The following BOD1L1 variants were observed in gnomAD, a reference collection of about 807,000 sequenced individuals.
The protein encoded by BOD1L1 is biorientation of chromosomes in cell division protein 1-like 1.
In BOD1L1, 86 loss-of-function variants were observed where a neutral mutation model predicts 240.7. The observed-to-expected ratio is 0.36, with a 90% CI of 0.30 to 0.43. The LOEUF (loss-of-function observed/expected upper bound fraction) is 0.43, where lower values mean the gene tolerates loss of function less well. Ranked by LOEUF, BOD1L1 falls within the 20% of genes least tolerant of loss-of-function variation. BOD1L1 has a pLI of 1.00. For missense variants in BOD1L1, 3,554 were observed against 3,643.5 expected (o/e 0.98, Z 0.63); for synonymous variants, 1,268 against 1,272.3 (o/e 1.00, Z 0.07).
Position 13,570,006 on chromosome 4 carries a change from CA to C in BOD1L1, c.*4del. On this transcript the variant is annotated 3_prime_UTR_variant, in exon 26 of 26. Coordinates refer to ENST00000040738, the MANE Select transcript of BOD1L1 (RefSeq NM_148894.3). ...TCCATAAGCCTAGGGCAGCAGTGGT[CA>C]GGATTATCGCTTCGCTTTTTTCACA... 2 of 1,587,778 alleles carry C rather than the reference CA, an allele frequency of 1.3e-6. No homozygotes were observed. The highest frequency in any genetic ancestry group is 1.7e-6 in the Non-Finnish European group (2 of 1,168,700).
chr4:13,602,525 G>A lies in BOD1L1; in HGVS notation c.4375C>T (p.His1459Tyr), dbSNP rs760007676. ...EKYAETVKLK[H>Y]KRSPGKVKDI... ...TTTACTTTACCTGGGCTTCTTTTAT[G>A]CTTAAGTTTGACAGTTTCAGCATAT... The change falls in exon 10 of 26, where the codon CAT becomes TAT. Residue 1459 changes from histidine (H) to tyrosine (Y), a missense_variant. His to Tyr is a moderately conservative substitution (Grantham distance 83). This residue lies in a region of BOD1L1 where 3,393 missense variants were observed against 3,427.1 expected (regional missense o/e 0.99). Coordinates refer to ENST00000040738, the MANE Select transcript of BOD1L1 (RefSeq NM_148894.3). 6.2e-7 allele frequency: 1 copy of A among 1,613,906 alleles called. No homozygotes were observed. Among genetic ancestry groups the A allele is most frequent in the Non-Finnish European group, 8.5e-7 (1 of 1,179,870 alleles).
intron 10 of BOD1L1, 54 bp from the exon 11 acceptor site, chr4:13,597,222 T>A: frequency 7.2e-7 from 1 of 1,381,088 alleles, no homozygotes; most frequent in Non-Finnish European, 1.0e-6. Context: ...GCAAAATACA[T>A]CTGGGGTCAA....
intron 22 of BOD1L1, among the ~76,000 whole-genome samples, chr4:13,579,716 G>A (rs971094101): frequency 6.6e-6 from 1 of 152,154 alleles, no homozygotes; most frequent in African/African-American, 2.4e-5. Flanking sequence ...CTTGGAATGA[G>A]GAGAAAAATA....
At position 13,590,375 on chromosome 4, in the gene BOD1L1, C is replaced by A; in HGVS notation, c.8209+11G>T. The A allele has an allele frequency of 1.4e-6, 2 of 1,426,838 alleles. No individual in the cohort carries two copies. Among genetic ancestry groups the A allele is most frequent in the South Asian group, 2.6e-5 (2 of 78,094 alleles). The allele number at this position is 1,426,838 out of a possible 1,614,324, so 88.4% of individuals were successfully genotyped here. ...ATATTAAAACTATAACTATGAAATT[C>A]ATTAACTTACCTCCTTTGTTATAAG... On this transcript the variant is annotated intron_variant, in intron 14 of 25. Transcript: ENST00000040738.
Position 13,614,905 on chromosome 4 carries a change from G to A in BOD1L1, c.560-95C>T, listed in dbSNP as rs1269959053. 35 of 1,280,244 alleles carry A rather than the reference G, an allele frequency of 2.7e-5. No individual in the cohort carries two copies. In the Admixed American group the frequency reaches 9.0e-4, roughly 33 times the overall value. 79.3% of individuals were successfully genotyped at this position (1,280,244 alleles called of 1,614,324 possible). ...CATGCCATTGTCATCTTTATATGAT[G>A]CATATGCTGTGCAGACCATCTGTAT... On this transcript the variant is annotated intron_variant, in intron 3 of 25. Coordinates refer to ENST00000040738, the MANE Select transcript of BOD1L1 (RefSeq NM_148894.3).
At chr4:13,626,471 C>T (rs1717403287) in intron 1 of BOD1L1, among the ~76,000 whole-genome samples, 1 of 152,122 alleles carries the variant, frequency 6.6e-6, no homozygotes, top group Non-Finnish European at 1.5e-5. Flanking sequence ...CTAGACTGTA[C>T]TGTGGTTTTC....
At chr4:13,576,107 G>A (rs1389843923) in intron 25 of BOD1L1, among the ~76,000 whole-genome samples, 1 of 151,732 alleles carries the variant, frequency 6.6e-6, no homozygotes, top group Non-Finnish European at 1.5e-5. Flanking sequence ...TCACCATGTT[G>A]ACCAGGATGG....
chr4:13,594,678 C>T (rs147227213), intron 12 of BOD1L1, among the ~76,000 whole-genome samples: 47 of 152,220 alleles, frequency 3.1e-4, no homozygotes, highest in African/African-American at 8.9e-4. Context: ...GGGCGGATCA[C>T]GAGGTCAGGA....
chr4:13,604,793 G>A lies in BOD1L1; in HGVS notation c.2107C>T (p.Leu703=), dbSNP rs766624236. The part of the protein sequence containing the change: ...QKSTLKNEKH[L]KKDDSETPHL... ...GGTGTTTCAGAATCATCTTTCTTTA[G>A]ATGCTTTTCGTTTTTAAGTGTGCTT... The change falls in exon 10 of 26, where the codon CTA becomes TTA. Residue 703 remains leucine, a synonymous_variant. Coordinates refer to ENST00000040738, the MANE Select transcript of BOD1L1 (RefSeq NM_148894.3). The A allele has an allele frequency of 1.4e-5, 23 of 1,613,226 alleles. No homozygotes were observed. In the East Asian group the frequency reaches 2.9e-4, roughly 20 times the overall value.
intron 10 of BOD1L1, 35 bp downstream of exon 10, chr4:13,598,911 A>C (rs760880165): frequency 1.3e-6 from 2 of 1,551,984 alleles, no homozygotes; most frequent in Non-Finnish European, 1.7e-6. Flanking sequence ...CATCCTTGTA[A>C]ATATTAAAAT....
rs1715776165 is a variant in BOD1L1, at chr4:13,607,169, T to C, written c.1763A>G (p.Lys588Arg). ...KDSRNVEENS[K>R]KKQQYEEDSK... ...ATCTTCTTCATATTGCTGTTTCTTT[T>C]TGGAGTTCTCTTCAACATTCCTAAG... The change falls in exon 9 of 26, where the codon AAA (lysine) becomes AGA (arginine). Residue 588 changes from lysine (K) to arginine (R), a missense_variant. Lys to Arg is a conservative substitution (Grantham distance 26). Coordinates refer to ENST00000040738, the MANE Select transcript of BOD1L1 (RefSeq NM_148894.3). The C allele has an allele frequency of 1.3e-6, 2 of 1,575,240 alleles. No homozygotes were observed. Among genetic ancestry groups the C allele is most frequent in the Non-Finnish European group, 8.6e-7 (1 of 1,160,844 alleles).
Position 13,600,001 on chromosome 4 carries a change from C to G in BOD1L1, c.6899G>C (p.Gly2300Ala), listed in dbSNP as rs1028577838. 33 of 1,610,194 alleles carry G rather than the reference C, an allele frequency of 2.0e-5. No individual in the cohort carries two copies. Among genetic ancestry groups the G allele is most frequent in the Non-Finnish European group, 2.7e-5 (32 of 1,178,198 alleles). ...AGCACCAATCATGACTGCTTCACAC[C>G]CTTCAGAGGTGCTTGTGGAAATCAT... ...TAMISTSTSE[G>A]CEAVMIGAVL... is the part of the protein sequence containing the mutation. Residue 2300 changes from glycine (G) to alanine (A), a missense_variant, in exon 10 of 26, where the codon GGG becomes GCG. Around this residue, in one of 2 missense-constraint regions of BOD1L1, gnomAD observed 3,393 missense variants for 3,427.1 expected, o/e 0.99. Transcript: ENST00000040738.
At chr4:13,570,560 C>T (rs1001477625) in intron 25 of BOD1L1, among the ~76,000 whole-genome samples, 1 of 152,204 alleles carries the variant, frequency 6.6e-6, no homozygotes, top group Non-Finnish European at 1.5e-5. Context: ...AATCATGTTT[C>T]GTAGCACAGT....
intron 25 of BOD1L1, among the ~76,000 whole-genome samples, chr4:13,573,442 G>GTCTGTCTGTCTATCTA (rs1384944208): frequency 1.7e-5 from 2 of 120,752 alleles, no homozygotes; most frequent in Admixed American, 9.1e-5. Context: ...CTGTCTGTCT[G>GTCTGTCTGTCTATCTA]TCTATCTATC....
rs1465229291 is a variant in BOD1L1 at position 13,599,240 on chromosome 4, C to G, written c.7660G>C (p.Ala2554Pro). ...TTGTCTTCAGACCCCTGCTGCTCAG[C>G]AGGAAGAAAGGAATGCTCAGCCACG... is the stretch of plus-strand genomic sequence containing the variant. ...GTVAEHSFLP[A>P]EQQGSEDNLK... Residue 2554 changes from alanine to proline, a missense_variant, in exon 10 of 26, where the codon GCT becomes CCT. Ala to Pro is a conservative substitution (Grantham distance 27). Around this residue, in one of 2 missense-constraint regions of BOD1L1, gnomAD observed 3,393 missense variants for 3,427.1 expected, o/e 0.99. Transcript: ENST00000040738. The G allele has an allele frequency of 6.2e-7, 1 of 1,613,726 alleles. No individual in the cohort carries two copies. Among genetic ancestry groups the G allele is most frequent in the Admixed American group, 1.7e-5 (1 of 59,982 alleles).
chr4:13,575,655 A>G (rs1712652761), intron 25 of BOD1L1, among the ~76,000 whole-genome samples: 1 of 152,162 alleles, frequency 6.6e-6, no homozygotes. Context: ...AAGTGTTGGG[A>G]TTACAAGCAT....
chr4:13,611,006 T>G lies in BOD1L1; in HGVS notation c.1419A>C (p.Lys473Asn), dbSNP rs757565850. Residue 473 changes from lysine to asparagine, a missense_variant, in exon 6 of 26, where the codon AAA (lysine) becomes AAC (asparagine). This residue lies in a region of BOD1L1 where 3,393 missense variants were observed against 3,427.1 expected (regional missense o/e 0.99). Transcript: ENST00000040738. ...TKSVRHAYVH[K>N]PYLYSKYYSD... is the part of the protein sequence containing the mutation. Reference sequence around the variant, plus strand: ...TATAGTATTTTGAGTAAAGATATGGTTTGTGGACATACGCATGCCGTACAC... The same window carrying G: ...TATAGTATTTTGAGTAAAGATATGGGTTGTGGACATACGCATGCCGTACAC... The G allele has an allele frequency of 9.9e-6, 16 of 1,612,562 alleles. No homozygotes were observed.
Position 13,590,375 on chromosome 4 carries a change from C to T in BOD1L1, c.8209+11G>A. ...ATATTAAAACTATAACTATGAAATT[C>T]ATTAACTTACCTCCTTTGTTATAAG... On this transcript the variant is annotated intron_variant, in intron 14 of 25. Transcript: ENST00000040738. The T allele has an allele frequency of 7.0e-7, 1 of 1,426,836 alleles. No individual in the cohort carries two copies. The allele number at this position is 1,426,836 out of a possible 1,614,324, so 88.4% of individuals were successfully genotyped here.
rs1713328521 is a variant in BOD1L1, at chr4:13,582,652, C to T, written c.8518G>A (p.Asp2840Asn). The change falls in exon 18 of 26, where the codon GAT becomes AAT. Residue 2840 changes from aspartate (D) to asparagine (N), a missense_variant and splice_region_variant. Around this residue, in one of 2 missense-constraint regions of BOD1L1, gnomAD observed 3,393 missense variants for 3,427.1 expected, o/e 0.99. Coordinates refer to ENST00000040738, the MANE Select transcript of BOD1L1 (RefSeq NM_148894.3). ...STTSRVMEEK[D>N]EYSSSETTGE... ...TTACCCAAGCAGATATTTTACTCAC[C>T]TTTTTCTTCCATGACCCTTGAGGTA... The T allele has an allele frequency of 1.4e-5, 22 of 1,607,686 alleles. No homozygotes were observed. The highest frequency in any genetic ancestry group is 1.9e-5 in the Non-Finnish European group (22 of 1,174,930).
Sources: allele counts gnomAD v4.1 joint callset (sites outside exome capture counted in the v4.1 genomes callset), GRCh38; gene constraint gnomAD v4.1.1; regional missense constraint gnomAD v4.1.1; transcripts MANE v1.5; gene names NCBI Gene and HGNC (gene_info 2026-07-23, HGNC 2026-07-21).